The following MKS1 variants were observed in gnomAD, a reference collection of about 807,000 sequenced individuals.
The protein encoded by MKS1 is MKS transition zone complex subunit 1.
In MKS1, 70 loss-of-function variants were observed where a neutral mutation model predicts 83.7. That is an observed-to-expected ratio of 0.84 (90% CI 0.69 to 1.02). The LOEUF (loss-of-function observed/expected upper bound fraction) is 1.02, where lower values mean the gene tolerates loss of function less well. Among genes scored for constraint, MKS1 ranks in the 50% least tolerant of loss-of-function variants. The pLI is 0.00. For missense variants in MKS1, 681 were observed against 726.9 expected (o/e 0.94, Z 0.73); for synonymous variants, 251 against 273.4 (o/e 0.92, Z 0.81).
intron 10 of MKS1, 46 bp from the exon 11 acceptor site, chr17:58,210,770 C>G: frequency 1.3e-6 from 2 of 1,585,840 alleles, no homozygotes; most frequent in South Asian, 1.1e-5. Flanking sequence ...CTCCTACCAC[C>G]CTTAGCACCC....
chr17:58,214,451 C>G (rs1969073797), intron 5 of MKS1, 64 bp from the exon 6 acceptor site: 2 of 1,610,322 alleles, frequency 1.2e-6, no homozygotes, highest in Non-Finnish European at 1.7e-6. Context: ...CAGTGGAGAG[C>G]CACTTCAGAA....
At chr17:58,217,750 G>A (rs1362722258) in intron 2 of MKS1, among the ~76,000 whole-genome samples, 2 of 152,164 alleles carry the variant, frequency 1.3e-5, no homozygotes, top group Admixed American at 6.5e-5. Context: ...GGTTTACAGT[G>A]AGCTATGATC....
Position 58,210,984 on chromosome 17 carries a change from C to A in MKS1, c.954G>T (p.Glu318Asp), listed in dbSNP as rs773255938. 6.2e-6 allele frequency: 10 copies of A among 1,613,898 alleles called. No homozygotes were observed. The South Asian group carries it at 1.1e-4, about 18-fold the overall frequency. ...CTATGCTAGCAAGACACTTACCGAC[C>A]TCTCCATTTACAAAGAGCCGGAGGG... The part of the protein sequence containing the change: ...PGALRLFVNG[E>D]VVSAQGYEYD... The change falls in exon 10 of 18, where the codon GAG becomes GAT. Residue 318 changes from glutamate (E) to aspartate (D), a missense_variant. Glu to Asp is a conservative substitution (Grantham distance 45). This residue lies in a region of MKS1 where 310 missense variants were observed against 321.7 expected (regional missense o/e 0.96). Coordinates refer to ENST00000393119, the MANE Select transcript of MKS1 (RefSeq NM_017777.4).
chr17:58,218,050 A>C (rs529334817), intron 2 of MKS1, among the ~76,000 whole-genome samples: 2 of 152,222 alleles, frequency 1.3e-5, no homozygotes, highest in Non-Finnish European at 2.9e-5. Flanking sequence ...TGATCTATAC[A>C]TGCACATCAT....
In MKS1 at chr17:58,205,472, C is replaced by A; in HGVS notation, c.*607G>T. 1 of 1,249,308 alleles carries A rather than the reference C, an allele frequency of 8.0e-7. No individual in the cohort carries two copies. Among genetic ancestry groups the A allele is most frequent in the South Asian group, 1.4e-5 (1 of 71,206 alleles). 77.4% of individuals were successfully genotyped at this position (1,249,308 alleles called of 1,614,324 possible). The stretch of plus-strand genomic sequence containing the variant: ...TAAAAGGGGTTTATGTAACAAAAAA[C>A]AAAAAAACAAACAAACAAAAAAACA... On this transcript the variant is annotated 3_prime_UTR_variant, in exon 18 of 18. Transcript: ENST00000393119.
intron 6 of MKS1, 76 bp from the exon 7 acceptor site, chr17:58,213,945 A>C: frequency 7.9e-7 from 1 of 1,259,620 alleles, no homozygotes; most frequent in Non-Finnish European, 1.2e-6. Context: ...AGCCCACTGC[A>C]GGGGAGAGAA....
chr17:58,205,792 G>T lies in MKS1; in HGVS notation c.*287C>A. The T allele has an allele frequency of 6.9e-7, 1 of 1,440,800 alleles. No homozygotes were observed. Among genetic ancestry groups the T allele is most frequent in the Non-Finnish European group, 9.2e-7 (1 of 1,083,918 alleles). The allele number at this position is 1,440,800 out of a possible 1,614,324, so 89.3% of individuals were successfully genotyped here. The stretch of plus-strand genomic sequence containing the variant: ...GAGTCAAGGCCAGACTCACTATGGG[G>T]TCACCCCAAACAGCTTCAGATCAAA... On this transcript the variant is annotated 3_prime_UTR_variant, in exon 18 of 18. Coordinates refer to ENST00000393119, the MANE Select transcript of MKS1 (RefSeq NM_017777.4).
intron 6 of MKS1, 53 bp downstream of exon 6, chr17:58,214,206 G>A (rs1969052136): frequency 6.2e-6 from 10 of 1,612,752 alleles, no homozygotes; most frequent in South Asian, 4.4e-5. Flanking sequence ...GGGAGAGCTG[G>A]TGAGAGGAGA....
Position 58,207,143 on chromosome 17 carries a change from A to G in MKS1, c.1349T>C (p.Ile450Thr), listed in dbSNP as rs200865108. ...GTVAELRRFF[I>T]GGSLELEDLS... ...GTCCTCCAGTTCCAGAGAACCGCCA[A>G]TGAAAAACCTCCTCAGCTCAGCCAC... Residue 450 changes from isoleucine (I) to threonine (T), a missense_variant, in exon 15 of 18, where the codon ATT becomes ACT. By Grantham distance (89) the Ile-to-Thr change is moderately conservative. Around this residue, in one of 3 missense-constraint regions of MKS1, gnomAD observed 310 missense variants for 321.7 expected, o/e 0.96. Transcript: ENST00000393119. The G allele has an allele frequency of 3.4e-4, 554 of 1,614,170 alleles. 1 individual carries two copies. In the African/African-American group the frequency reaches 4.6e-3, roughly 13 times the overall value.
chr17:58,216,728 G>A lies in MKS1; in HGVS notation c.199C>T (p.Arg67Cys), dbSNP rs200340896. 8.2e-5 allele frequency: 132 copies of A among 1,613,964 alleles called. No individual in the cohort carries two copies. Among genetic ancestry groups the A allele is most frequent in the Admixed American group, 2.7e-4 (16 of 59,986 alleles). Residue 67 changes from arginine to cysteine, a missense_variant, in exon 3 of 18, where the codon CGC (arginine) becomes TGC (cysteine). Physicochemically the swap from Arg to Cys is radical, Grantham distance 180. This residue lies in a region of MKS1 where 365 missense variants were observed against 383.8 expected (regional missense o/e 0.95). Coordinates refer to ENST00000393119, the MANE Select transcript of MKS1 (RefSeq NM_017777.4). ...FRPQPTASGH[R>C]PEEDEEEEIV... ...TCCTCCTCTTCGTCTTCCTCTGGGC[G>A]GTGTCCACCTCCAAAGACAACAGAG...
Position 58,215,386 on chromosome 17 carries a change from C to T in MKS1, c.418-548G>A, listed in dbSNP as rs143497515. Reference sequence around the variant, plus strand: ...GTGATCCTCCCGCCTCAGCTTCCCACGTAGCCGGGACTACAGGTACATGCC... The same window carrying T: ...GTGATCCTCCCGCCTCAGCTTCCCATGTAGCCGGGACTACAGGTACATGCC... On this transcript the variant is annotated intron_variant, in intron 4 of 17. Transcript: ENST00000393119. 3.2e-3 allele frequency among the ~76,000 whole-genome samples: 492 copies of T among 152,296 alleles called. 1 individual carries two copies. The highest frequency in any genetic ancestry group is 5.9e-3 in the Non-Finnish European group (398 of 68,024).
rs1402365913 is a variant in MKS1 at position 58,209,145 on chromosome 17, C to T, written c.1025-562G>A. 3.9e-5 allele frequency among the ~76,000 whole-genome samples: 6 copies of T among 152,282 alleles called. No individual in the cohort carries two copies. The highest frequency in any genetic ancestry group is 6.8e-3 in the Middle Eastern group (2 of 294). On this transcript the variant is annotated intron_variant, in intron 11 of 17. Coordinates refer to ENST00000393119, the MANE Select transcript of MKS1 (RefSeq NM_017777.4). The surrounding 1 kb of genome is among the most constrained non-coding windows in gnomAD (Gnocchi z 4.1). The stretch of plus-strand genomic sequence containing the variant: ...CTTTTCTTTTTGACAAAACCGCCAT[C>T]GTCATCATGGCCCATTCTCAATGGT...
intron 2 of MKS1, among the ~76,000 whole-genome samples, chr17:58,217,217 G>A (rs1016875975): frequency 1.3e-5 from 2 of 152,304 alleles, no homozygotes; most frequent in East Asian, 3.9e-4. Context: ...TTGAATTCCC[G>A]ACCTCAGGTG....
chr17:58,210,814 G>A, intron 10 of MKS1, 90 bp from the exon 11 acceptor site: 1 of 1,475,894 alleles, frequency 6.8e-7, no homozygotes, highest in Non-Finnish European at 9.5e-7. Flanking sequence ...CACCCTGAGA[G>A]CAAGTCTTTT....
chr17:58,210,941 G>T, intron 10 of MKS1, 39 bp downstream of exon 10: 1 of 1,603,428 alleles, frequency 6.2e-7, no homozygotes, highest in Non-Finnish European at 8.5e-7. Flanking sequence ...CTAGGCACGT[G>T]CCTAAGCATC....
Position 58,207,573 on chromosome 17 carries a change from C to T in MKS1, c.1273+321G>A, listed in dbSNP as rs758543840. 15 of 539,796 alleles carry T rather than the reference C, an allele frequency of 2.8e-5. No homozygotes were observed. The Admixed American group carries it at 4.7e-4, about 17-fold the overall frequency. The allele number at this position is 539,796 out of a possible 1,614,324, so 33.4% of individuals were successfully genotyped here. On this transcript the variant is annotated intron_variant, in intron 14 of 17. Coordinates refer to ENST00000393119, the MANE Select transcript of MKS1 (RefSeq NM_017777.4). ...ACAATGCCTGGCACACAGTAAAAGA[C>T]AGATGCTTTTATTCCAAACTGAATG...
At chr17:58,215,855 T>C (rs1969163093) in intron 4 of MKS1, 2 of 541,838 alleles carry the variant, frequency 3.7e-6, no homozygotes, top group South Asian at 3.9e-5. Flanking sequence ...TCAGAGATAC[T>C]GGCAGCTCCC....
intron 2 of MKS1, among the ~76,000 whole-genome samples, chr17:58,217,009 G>A (rs1969259259): frequency 6.6e-6 from 1 of 152,020 alleles, no homozygotes; most frequent in African/African-American, 2.4e-5. Flanking sequence ...TTTCTGGGGG[G>A]GATGGAGTCT....
At chr17:58,211,409 T>G (rs995686757) in intron 9 of MKS1, among the ~76,000 whole-genome samples, 1 of 152,212 alleles carries the variant, frequency 6.6e-6, no homozygotes, top group African/African-American at 2.4e-5. Context: ...ATACTGAATA[T>G]CTGTTGCTTA....
Sources: allele counts gnomAD v4.1 joint callset (sites outside exome capture counted in the v4.1 genomes callset), GRCh38; gene constraint gnomAD v4.1.1; regional missense constraint gnomAD v4.1.1; non-coding constraint Gnocchi (gnomAD v3.1); transcripts MANE v1.5; gene names NCBI Gene and HGNC (gene_info 2026-07-23, HGNC 2026-07-21).